Variants in CCDC171 observed in about 807,000 individuals in gnomAD.
CCDC171 encodes coiled-coil domain-containing protein 171.
Under a neutral mutation model 168.2 loss-of-function variants are expected in CCDC171, and 177 were observed. That is an observed-to-expected ratio of 1.05 (90% CI 0.93 to 1.19). The LOEUF (loss-of-function observed/expected upper bound fraction) is 1.19. Ranked by LOEUF, CCDC171 falls within the 50% of genes most tolerant of loss-of-function variation. The probability of loss-of-function intolerance (pLI) is 0.00; values close to 1 mark genes in which losing one functional copy is unlikely to be tolerated. For missense variants in CCDC171, 1,991 were observed against 1,539.0 expected (o/e 1.29, Z -4.91); for synonymous variants, 687 against 540.8 (o/e 1.27, Z -3.75).
chr9:15,886,179 A>G (rs1819369598), intron 24 of CCDC171: 1 of 152,210 alleles, frequency 6.6e-6, no homozygotes, highest in South Asian at 2.1e-4. Flanking sequence ...CAAAGGAAAC[A>G]ACAAAATGGA....
At chr9:16,088,482 G>A in the CCDC171 span, among the ~76,000 whole-genome samples, 15 of 152,166 alleles carry the variant, frequency 9.9e-5, no homozygotes, top group Non-Finnish European at 2.1e-4. Flanking sequence ...CATTGTCTCA[G>A]CCCAAAATCT....
chr9:15,684,738 A>T (rs1463121073), intron 10 of CCDC171, among the ~76,000 whole-genome samples: 1 of 152,210 alleles, frequency 6.6e-6, no homozygotes, highest in Non-Finnish European at 1.5e-5. Context: ...CCCAAGGTGC[A>T]TATAAAGGTA....
the CCDC171 span, among the ~76,000 whole-genome samples, chr9:16,103,472 G>T: frequency 2.6e-5 from 4 of 152,224 alleles, no homozygotes; most frequent in Non-Finnish European, 5.9e-5. Flanking sequence ...TGGCATAAAA[G>T]ATGCAATGTA....
intron 11 of CCDC171, among the ~76,000 whole-genome samples, chr9:15,708,151 A>G (rs2052388294): frequency 6.6e-6 from 1 of 152,240 alleles, no homozygotes; most frequent in Non-Finnish European, 1.5e-5. Flanking sequence ...CCCCCAAAAT[A>G]CTGATTATTA....
At chr9:15,902,281 T>TATATATACACAC (rs1554673437) in intron 24 of CCDC171, among the ~76,000 whole-genome samples, 1 of 145,160 alleles carries the variant, frequency 6.9e-6, no homozygotes, top group Admixed American at 6.8e-5. Flanking sequence ...TATATATATA[T>TATATATACACAC]ACACACACAC....
chr9:15,852,968 C>T lies in CCDC171; in HGVS notation c.3468+4021C>T, dbSNP rs959751593. 7.9e-5 allele frequency among the ~76,000 whole-genome samples: 12 copies of T among 151,570 alleles called. 1 individual carries two copies. The highest frequency in any genetic ancestry group is 3.3e-4 in the Admixed American group (5 of 15,162). On this transcript the variant is annotated intron_variant, in intron 23 of 25. Coordinates refer to ENST00000380701, the MANE Select transcript of CCDC171 (RefSeq NM_173550.4). ...TGTATGTCTCTCTTCATATCAGTAC[C>T]GTAAGTTTTGATGACGATGTTTTCT...
intron 25 of CCDC171, among the ~76,000 whole-genome samples, chr9:15,925,483 G>A (rs1825790493): frequency 6.6e-6 from 1 of 150,982 alleles, no homozygotes; most frequent in Non-Finnish European, 1.5e-5. Context: ...GTCAGACTTT[G>A]TTCTTTTTCC....
At chr9:15,720,366 C>T (rs2053397789) in intron 11 of CCDC171, among the ~76,000 whole-genome samples, 1 of 152,078 alleles carries the variant, frequency 6.6e-6, no homozygotes, top group Non-Finnish European at 1.5e-5. Flanking sequence ...CTATCTTTCT[C>T]TTATTAAACC....
At chr9:16,058,010 A>C (rs1833869086) in intron 1 of CCDC171, among the ~76,000 whole-genome samples, 1 of 151,600 alleles carries the variant, frequency 6.6e-6, no homozygotes, top group Non-Finnish European at 1.5e-5. Context: ...TTCAAGGTCT[A>C]GGGGAGAGTT....
chr9:15,935,281 G>T (rs1028358546), intron 25 of CCDC171, among the ~76,000 whole-genome samples: 1 of 152,006 alleles, frequency 6.6e-6, no homozygotes, highest in African/African-American at 2.4e-5. Flanking sequence ...GCATGACAGA[G>T]ACTCAGAGGA....
intron 8 of CCDC171, among the ~76,000 whole-genome samples, chr9:15,662,641 A>G (rs922872823): frequency 2.0e-5 from 3 of 152,170 alleles, no homozygotes; most frequent in African/African-American, 7.2e-5. Context: ...GCATTAGGAT[A>G]TTGACTGGCA....
At chr9:15,750,356 C>G (rs1364385497) in intron 18 of CCDC171, among the ~76,000 whole-genome samples, 2 of 152,064 alleles carry the variant, frequency 1.3e-5, no homozygotes, top group Non-Finnish European at 2.9e-5. Context: ...AAGCCCAGGA[C>G]CAGATGTATT....
At chr9:16,040,646 T>C (rs1217194509), upstream of CCDC171, among the ~76,000 whole-genome samples, 4 of 152,234 alleles carry the variant, frequency 2.6e-5, no homozygotes, top group Admixed American at 1.3e-4. Context: ...GGTTAAATCA[T>C]AGAGTGTTTT....
chr9:16,099,875 G>A, the CCDC171 span, among the ~76,000 whole-genome samples: 2 of 152,018 alleles, frequency 1.3e-5, no homozygotes, highest in Non-Finnish European at 2.9e-5. Context: ...AAGATGGAAA[G>A]AAAGAATGAT....
At chr9:15,704,246 A>C (rs2052032214) in intron 11 of CCDC171, among the ~76,000 whole-genome samples, 1 of 152,228 alleles carries the variant, frequency 6.6e-6, no homozygotes, top group Non-Finnish European at 1.5e-5. Flanking sequence ...TTCATTAATC[A>C]AGTGCTAGGT....
chr9:16,090,130 T>C, the CCDC171 span, among the ~76,000 whole-genome samples: 15 of 152,338 alleles, frequency 9.8e-5, no homozygotes, highest in Non-Finnish European at 2.2e-4. Context: ...CGTATGTTTA[T>C]TGCAGCATTG....
chr9:15,562,698 A>G lies in CCDC171; in HGVS notation c.-111-1280A>G, dbSNP rs186050923. ...TTTATGCCTGTTGTGCTACCTCTGC[A>G]TATGTGTATTTAAGCTTTTCAACAA... On this transcript the variant is annotated intron_variant, in intron 1 of 25. Transcript: ENST00000380701. Among the ~76,000 whole-genome samples, 160 of 152,278 alleles carry G rather than the reference A, an allele frequency of 1.1e-3. 2 individuals carry two copies. Among genetic ancestry groups the G allele is most frequent in the African/African-American group, 3.5e-3 (144 of 41,562 alleles).
At chr9:15,996,597 A>G (rs1192458110) in intron 3 of CCDC171, among the ~76,000 whole-genome samples, 2 of 151,722 alleles carry the variant, frequency 1.3e-5, no homozygotes, top group East Asian at 1.9e-4. Flanking sequence ...TGAATTTTGG[A>G]TTAGGAATGC....
intron 11 of CCDC171, among the ~76,000 whole-genome samples, chr9:15,703,410 A>G (rs557725470): frequency 1.3e-5 from 2 of 152,126 alleles, no homozygotes; most frequent in East Asian, 1.9e-4. Flanking sequence ...ATCTCTCTTC[A>G]TTACCACCCC....
Sources: allele counts gnomAD v4.1 joint callset (sites outside exome capture counted in the v4.1 genomes callset), GRCh38; gene constraint gnomAD v4.1.1; transcripts MANE v1.5; gene names NCBI Gene and HGNC (gene_info 2026-07-23, HGNC 2026-07-21).